NDRG2: variants seen among roughly 807,000 people sequenced by gnomAD.
The protein encoded by NDRG2 is NDRG family member 2.
Under a neutral mutation model 58.2 loss-of-function variants are expected in NDRG2, and 34 were observed. The observed-to-expected ratio is 0.58, with a 90% CI of 0.44 to 0.78. The LOEUF is 0.78. Among genes scored for constraint, NDRG2 ranks in the 30% least tolerant of loss-of-function variants. NDRG2 has a pLI of 0.00. For missense variants in NDRG2, 434 were observed against 471.2 expected (o/e 0.92, Z 0.73); for synonymous variants, 187 against 175.9 (o/e 1.06, Z -0.50).
chr14:21,048,483 C>T (rs1158453945), intron 1 of NDRG2: 1 of 152,208 alleles, frequency 6.6e-6, no homozygotes, highest in Non-Finnish European at 1.5e-5. Flanking sequence ...TCTCAAACTC[C>T]TGAGCTCAGG....
At chr14:21,020,138 A>C in intron 8 of NDRG2, 162 bp from the exon 9 acceptor site, 1 of 614,644 alleles carries the variant, frequency 1.6e-6, no homozygotes, top group Non-Finnish European at 2.9e-6. Context: ...TACTAATAAT[A>C]CAAATATTAG....
At position 21,017,154 on chromosome 14, in the gene NDRG2, C is replaced by T; in HGVS notation, c.*442G>A. ...CACGTAGGTCCATACCCTTCAGAGTCCTAAAGGGTTAATGAGAAGCCACCT... is the reference window on the plus strand; with the variant it reads ...CACGTAGGTCCATACCCTTCAGAGTTCTAAAGGGTTAATGAGAAGCCACCT... On this transcript the variant is annotated 3_prime_UTR_variant, in exon 16 of 16. Coordinates refer to ENST00000556147, the MANE Select transcript of NDRG2 (RefSeq NM_001320329.2). The T allele has an allele frequency of 2.6e-6, 1 of 377,742 alleles. No homozygotes were observed. The highest frequency in any genetic ancestry group is 1.9e-5 in the South Asian group (1 of 52,072). 23.4% of individuals were successfully genotyped at this position (377,742 alleles called of 1,614,324 possible).
chr14:21,068,936 C>G (rs1025145298), intron 1 of NDRG2, among the ~76,000 whole-genome samples: 2 of 152,262 alleles, frequency 1.3e-5, no homozygotes, highest in Non-Finnish European at 2.9e-5. Flanking sequence ...GCACCCCCGC[C>G]TCCCCTCCCG....
rs375808499 is a variant in NDRG2, at chr14:21,064,628, G to A, written c.24+6200C>T. 1.6e-3 allele frequency among the ~76,000 whole-genome samples: 240 copies of A among 152,320 alleles called. 2 individuals are homozygous for A. Among genetic ancestry groups the A allele is most frequent in the African/African-American group, 5.6e-3 (231 of 41,572 alleles). On this transcript the variant is annotated intron_variant, in intron 1 of 14. Transcript: ENST00000403829. The stretch of plus-strand genomic sequence containing the variant: ...ACTTGATGCTTTAACTAAAGACAAT[G>A]TAGGCAAAAATTATACTTATGCGTG...
chr14:21,059,482 TG>T (rs912246074), intron 1 of NDRG2, among the ~76,000 whole-genome samples: 17 of 89,072 alleles, frequency 1.9e-4, no homozygotes, highest in Admixed American at 3.3e-4. Context: ...TGGGTTTTTT[TG>T]GGTTTTTTTT....
chr14:21,018,289 C>T (rs1430847355), intron 13 of NDRG2, 50 bp from the exon 14 acceptor site: 1 of 1,612,426 alleles, frequency 6.2e-7, no homozygotes, highest in Non-Finnish European at 8.5e-7. Flanking sequence ...ATAAATGAGC[C>T]ATGCAGAGAG....
chr14:21,035,984 A>G, intron 1 of NDRG2: 1 of 384,268 alleles, frequency 2.6e-6, no homozygotes, highest in Admixed American at 3.2e-5. Context: ...AAACCACTGA[A>G]AGCTTCCTTG....
intron 1 of NDRG2, chr14:21,046,814 G>C (rs1452831532): frequency 6.6e-6 from 1 of 151,500 alleles, no homozygotes; most frequent in Non-Finnish European, 1.5e-5. Context: ...AAGTAAGCTA[G>C]AGAAAAAAAA....
chr14:21,057,982 G>C (rs776047782), intron 1 of NDRG2: 22 of 1,614,038 alleles, frequency 1.4e-5, no homozygotes, highest in Non-Finnish European at 1.9e-5. Flanking sequence ...CCAAGCCCAA[G>C]GACATGACAT....
chr14:21,022,761 G>C (rs1881304400), intron 3 of NDRG2, 103 bp downstream of exon 3: 1 of 1,177,946 alleles, frequency 8.5e-7, no homozygotes, highest in Non-Finnish European at 1.2e-6. Flanking sequence ...AGAATAGAAG[G>C]AAAGAAAGCA....
At chr14:21,034,111 G>C (rs200617364) in intron 1 of NDRG2, 8 of 1,613,974 alleles carry the variant, frequency 5.0e-6, no homozygotes, top group Admixed American at 1.7e-5. Context: ...ATCTTGCCTC[G>C]CATATAGGAC....
At chr14:21,032,435 C>T in intron 1 of NDRG2, 1 of 424,512 alleles carries the variant, frequency 2.4e-6, no homozygotes, top group East Asian at 6.7e-5. Context: ...CTCTCCACCC[C>T]CACCCCTCAA....
At chr14:21,061,780 A>T (rs928833396) in intron 1 of NDRG2, among the ~76,000 whole-genome samples, 1 of 152,220 alleles carries the variant, frequency 6.6e-6, no homozygotes, top group African/African-American at 2.4e-5. Context: ...TGTCATTCTA[A>T]TTTAAAATGC....
chr14:21,020,065 G>A, intron 8 of NDRG2, 89 bp from the exon 9 acceptor site: 1 of 1,225,098 alleles, frequency 8.2e-7, no homozygotes, highest in Non-Finnish European at 1.2e-6. Flanking sequence ...GGAGGCCGAG[G>A]CGGGTGGATC....
rs8017334 is a variant in NDRG2 at position 21,018,516 on chromosome 14, A to G, written c.814-12T>C. On this transcript the variant is annotated splice_polypyrimidine_tract_variant and intron_variant, in intron 12 of 15. Coordinates refer to ENST00000556147, the MANE Select transcript of NDRG2 (RefSeq NM_001320329.2). ...GAGTTACATTCCACCTGGAGTAAGC[A>G]GGAGGCTGAATGAATGAGGTCACGC... 1.2e-6 allele frequency: 2 copies of G among 1,613,784 alleles called. No individual in the cohort carries two copies. Among genetic ancestry groups the G allele is most frequent in the East Asian group, 4.5e-5 (2 of 44,874 alleles).
At chr14:21,046,328 C>A (rs575987121) in intron 1 of NDRG2, among the ~76,000 whole-genome samples, 87 of 152,206 alleles carry the variant, frequency 5.7e-4, no homozygotes, top group African/African-American at 2.0e-3. Flanking sequence ...AGTTTGAGAC[C>A]AGTCTGGGCA....
chr14:21,057,773 A>G, intron 1 of NDRG2: 10 of 819,736 alleles, frequency 1.2e-5, no homozygotes, highest in South Asian at 1.8e-5. Context: ...TAGGCTGCAC[A>G]TTGCCCTGCA....
intron 1 of NDRG2, among the ~76,000 whole-genome samples, chr14:21,060,859 T>C (rs1320325990): frequency 1.3e-5 from 2 of 152,218 alleles, no homozygotes; most frequent in African/African-American, 2.4e-5. Flanking sequence ...TCTCCAGTAA[T>C]TGCCCACCTT....
At chr14:21,036,380 G>A (rs1448735932) in intron 1 of NDRG2, 1 of 405,384 alleles carries the variant, frequency 2.5e-6, no homozygotes, top group Non-Finnish European at 4.9e-6. Flanking sequence ...ATTGGAAGAA[G>A]AATTGTCTTG....
Sources: gnomAD v4.1 joint callset for allele counts (sites outside exome capture counted in the v4.1 genomes callset) on GRCh38, gnomAD v4.1.1 for gene constraint, MANE v1.5 for transcripts, NCBI Gene and HGNC (gene_info 2026-07-23, HGNC 2026-07-21) for gene names.